Variants in AGBL4 observed in about 807,000 individuals in gnomAD.
AGBL4 encodes AGBL carboxypeptidase 4.
Under a neutral mutation model 66.4 loss-of-function variants are expected in AGBL4, and 58 were observed. The ratio of observed to expected loss-of-function variants is 0.87; its 90% CI spans 0.71 to 1.09. The LOEUF is 1.09. AGBL4 is among the 50% of genes least tolerant of loss of function. The probability of loss-of-function intolerance (pLI) is 0.00; values close to 1 mark genes in which losing one functional copy is unlikely to be tolerated. For synonymous variants in AGBL4, 234 were observed against 222.9 expected, an observed-to-expected ratio of 1.05 and a Z score of -0.44; for missense variants, 579 against 631.0, an observed-to-expected ratio of 0.92 and a Z score of 0.88.
At chr1:48,972,076 C>T (rs1440983921) in intron 5 of AGBL4, among the ~76,000 whole-genome samples, 2 of 152,124 alleles carry the variant, frequency 1.3e-5, no homozygotes, top group African/African-American at 4.8e-5. Context: ...AGTAATTCCC[C>T]TTCTTGGATA....
At chr1:49,923,967 A>G (rs1476987784) in intron 1 of AGBL4, among the ~76,000 whole-genome samples, 5 of 152,164 alleles carry the variant, frequency 3.3e-5, no homozygotes, top group Admixed American at 3.3e-4. Flanking sequence ...CCATTACTAG[A>G]GTATATACCC....
chr1:49,935,428 G>GCAGT (rs1653876176), intron 1 of AGBL4, among the ~76,000 whole-genome samples: 1 of 152,234 alleles, frequency 6.6e-6, no homozygotes, highest in Non-Finnish European at 1.5e-5. Flanking sequence ...CAAAAAGACA[G>GCAGT]CAGTAACCTC....
intron 3 of AGBL4, among the ~76,000 whole-genome samples, chr1:49,485,070 C>T (rs931424331): frequency 2.0e-5 from 3 of 151,848 alleles, no homozygotes; most frequent in Non-Finnish European, 2.9e-5. Context: ...GGATCTAGAA[C>T]TAGAAATACC....
At chr1:49,877,719 G>T (rs1384398396) in intron 1 of AGBL4, among the ~76,000 whole-genome samples, 1 of 151,618 alleles carries the variant, frequency 6.6e-6, no homozygotes, top group African/African-American at 2.4e-5. Context: ...GATTGGAATA[G>T]TTTCAGAAGG....
chr1:49,993,941 T>C (rs993349839), intron 1 of AGBL4, among the ~76,000 whole-genome samples: 1 of 152,204 alleles, frequency 6.6e-6, no homozygotes, highest in Non-Finnish European at 1.5e-5. Flanking sequence ...ATTCCCATTG[T>C]TCAAGACCTA....
chr1:49,773,096 T>C (rs567659206), intron 2 of AGBL4, among the ~76,000 whole-genome samples: 1 of 152,284 alleles, frequency 6.6e-6, no homozygotes, highest in East Asian at 1.9e-4. Context: ...GATTTCTTTC[T>C]TCTGTTTCGG....
At chr1:49,370,598 C>T (rs182057492) in intron 3 of AGBL4, among the ~76,000 whole-genome samples, 91 of 152,282 alleles carry the variant, frequency 6.0e-4, no homozygotes, top group African/African-American at 8.7e-4. Flanking sequence ...TTTGACCAAA[C>T]AATTTGCACC....
intron 3 of AGBL4, among the ~76,000 whole-genome samples, chr1:49,602,228 G>T (rs1275490071): frequency 2.0e-5 from 3 of 152,144 alleles, no homozygotes. Context: ...AAACAGGAAT[G>T]CTTTTATACT....
chr1:48,986,378 T>C (rs1401489021), intron 5 of AGBL4, among the ~76,000 whole-genome samples: 4 of 151,746 alleles, frequency 2.6e-5, no homozygotes, highest in African/African-American at 9.7e-5. Flanking sequence ...AATCAATTTG[T>C]TTAAAGTCAG....
In AGBL4 at chr1:48,534,148, T is replaced by G; in HGVS notation, c.*25A>C. 6.4e-7 allele frequency: 1 copy of G among 1,551,416 alleles called. No individual in the cohort carries two copies. Among genetic ancestry groups the G allele is most frequent in the African/African-American group, 1.4e-5 (1 of 73,138 alleles). On this transcript the variant is annotated 3_prime_UTR_variant, in exon 14 of 14. Transcript: ENST00000371839. Reference sequence around the variant, plus strand: ...CAGAAAATGCATGCTCCTGTCCCCATAAGACCTCCCAGGACTCCGTGTCTT... The same window carrying G: ...CAGAAAATGCATGCTCCTGTCCCCAGAAGACCTCCCAGGACTCCGTGTCTT...
At chr1:49,995,405 T>C in intron 1 of AGBL4, 1 of 406,422 alleles carries the variant, frequency 2.5e-6, no homozygotes, top group Non-Finnish European at 4.9e-6. Flanking sequence ...ACCTGTATGA[T>C]GCAGAAGAGG....
chr1:48,525,210 T>C, the AGBL4 span, among the ~76,000 whole-genome samples: 2 of 152,174 alleles, frequency 1.3e-5, no homozygotes, highest in Admixed American at 6.5e-5. Flanking sequence ...AAAGTTGAAT[T>C]GGTAAGAGAG....
chr1:49,865,336 G>A (rs1338592297), intron 1 of AGBL4, among the ~76,000 whole-genome samples: 2 of 152,096 alleles, frequency 1.3e-5, no homozygotes, highest in Admixed American at 6.5e-5. Flanking sequence ...ACTTTATACA[G>A]GAATATTCCC....
At chr1:48,644,960 G>A (rs1353419993) in intron 8 of AGBL4, among the ~76,000 whole-genome samples, 1 of 152,196 alleles carries the variant, frequency 6.6e-6, no homozygotes, top group Admixed American at 6.5e-5. Context: ...TGTCTCCTCA[G>A]AGGCCTGTCT....
intron 6 of AGBL4, among the ~76,000 whole-genome samples, chr1:48,792,572 G>C (rs1021626868): frequency 4.6e-5 from 7 of 152,158 alleles, no homozygotes; most frequent in Admixed American, 2.6e-4. Flanking sequence ...GGAGGTATGT[G>C]TAAGTAGAAG....
At chr1:49,004,160 C>G (rs547583222) in intron 5 of AGBL4, among the ~76,000 whole-genome samples, 1 of 152,296 alleles carries the variant, frequency 6.6e-6, no homozygotes, top group Non-Finnish European at 1.5e-5. Context: ...ATGGGATCCT[C>G]CAAATAAAAT....
intron 9 of AGBL4, among the ~76,000 whole-genome samples, chr1:48,600,101 G>A (rs1482750248): frequency 6.6e-6 from 1 of 152,022 alleles, no homozygotes; most frequent in Non-Finnish European, 1.5e-5. Flanking sequence ...TAAGAAGGAG[G>A]GTGTGGCCTG....
intron 4 of AGBL4, among the ~76,000 whole-genome samples, chr1:49,132,066 G>A (rs1308927559): frequency 1.3e-5 from 2 of 152,062 alleles, no homozygotes; most frequent in Non-Finnish European, 2.9e-5. Context: ...AGGACAAGTT[G>A]CAGAACATTA....
chr1:49,754,770 G>C (rs2147847550), intron 2 of AGBL4, among the ~76,000 whole-genome samples: 1 of 152,318 alleles, frequency 6.6e-6, no homozygotes, highest in African/African-American at 2.4e-5. Context: ...GAACATTTAA[G>C]TCTGCTGAAG....
Sources: gnomAD v4.1 joint callset for allele counts (sites outside exome capture counted in the v4.1 genomes callset) on GRCh38, gnomAD v4.1.1 for gene constraint, MANE v1.5 for transcripts, NCBI Gene and HGNC (gene_info 2026-07-23, HGNC 2026-07-21) for gene names.